Variants in SLC16A12 observed in about 807,000 individuals in gnomAD.
SLC16A12 encodes the protein solute carrier family 16 member 12, also known as monocarboxylate transporter 12.
SLC16A12 carries 17 observed loss-of-function variants against 42.4 expected under a neutral mutation model. That is an observed-to-expected ratio of 0.40 (90% CI 0.27 to 0.60). SLC16A12 has a LOEUF of 0.60. SLC16A12 is among the 20% of genes least tolerant of loss of function. The pLI is 0.42. For missense variants in SLC16A12, 544 were observed against 623.0 expected (o/e 0.87, Z 1.35); for synonymous variants, 224 against 229.4 (o/e 0.98, Z 0.21).
At chr10:89,537,154 T>TG (rs1473861929), upstream of SLC16A12, among the ~76,000 whole-genome samples, 2 of 151,196 alleles carry the variant, frequency 1.3e-5, no homozygotes, top group Non-Finnish European at 3.0e-5. Flanking sequence ...TGTTTTTTTT[T>TG]TTTTTTTTTT....
chr10:89,541,029 C>T (rs1216261145), intron 2 of SLC16A12, among the ~76,000 whole-genome samples: 1 of 151,042 alleles, frequency 6.6e-6, no homozygotes, highest in African/African-American at 2.4e-5. Context: ...TCATGACATT[C>T]TCCTGCCTCA....
Position 89,436,280 on chromosome 10 carries a change from G to A in SLC16A12, c.1068C>T (p.Ala356=), listed in dbSNP as rs751177952. The part of the protein sequence containing the change: ...KNYQYVCYLF[A]VGMDGLCYLC... ...GATAGCAGAGCCCATCCATTCCCAC[G>A]GCAAAGAGGTAGCAAACATACTGGT... is the stretch of plus-strand genomic sequence containing the variant. Residue 356 remains alanine, a synonymous_variant, in exon 7 of 8, where the codon GCC becomes GCT. Coordinates refer to ENST00000371790, the MANE Select transcript of SLC16A12 (RefSeq NM_213606.4). 8.7e-6 allele frequency: 14 copies of A among 1,614,044 alleles called. No individual in the cohort carries two copies. Among genetic ancestry groups the A allele is most frequent in the East Asian group, 4.5e-5 (2 of 44,878 alleles).
chr10:89,490,036 A>G (rs1194644936), intron 2 of SLC16A12, among the ~76,000 whole-genome samples: 1 of 152,154 alleles, frequency 6.6e-6, no homozygotes, highest in East Asian at 1.9e-4. Context: ...AAACTATAAC[A>G]ATTTCTGAAG....
intron 2 of SLC16A12, among the ~76,000 whole-genome samples, chr10:89,467,439 T>C (rs1269639093): frequency 6.6e-6 from 1 of 152,170 alleles, no homozygotes; most frequent in Non-Finnish European, 1.5e-5. Context: ...AACAATAATA[T>C]ATAAAACAGA....
At chr10:89,530,411 T>C (rs1329691637) in intron 2 of SLC16A12, among the ~76,000 whole-genome samples, 1 of 151,832 alleles carries the variant, frequency 6.6e-6, no homozygotes. Context: ...TAAAATTTGG[T>C]GGTTTTTTTT....
At chr10:89,502,458 A>C (rs1843003341) in intron 2 of SLC16A12, among the ~76,000 whole-genome samples, 1 of 152,062 alleles carries the variant, frequency 6.6e-6, no homozygotes, top group Admixed American at 6.6e-5. Flanking sequence ...AAAACAAAAA[A>C]CAAAAAAACA....
chr10:89,466,071 T>G (rs1323719550), intron 2 of SLC16A12, among the ~76,000 whole-genome samples: 1 of 152,176 alleles, frequency 6.6e-6, no homozygotes, highest in Non-Finnish European at 1.5e-5. Flanking sequence ...ACTCTGCATC[T>G]TAAGAGTTAT....
At chr10:89,473,522 A>G (rs1842533990) in intron 2 of SLC16A12, among the ~76,000 whole-genome samples, 1 of 152,212 alleles carries the variant, frequency 6.6e-6, no homozygotes, top group South Asian at 2.1e-4. Context: ...GAGAGGACAA[A>G]AGCAGCAAAA....
chr10:89,523,501 C>T (rs1455867828), intron 2 of SLC16A12, among the ~76,000 whole-genome samples: 1 of 152,184 alleles, frequency 6.6e-6, no homozygotes. Context: ...ACCTCTCTGT[C>T]ATGACTAAAA....
chr10:89,486,973 A>C (rs1003587477), intron 2 of SLC16A12, among the ~76,000 whole-genome samples: 2 of 152,224 alleles, frequency 1.3e-5, no homozygotes, highest in Non-Finnish European at 2.9e-5. Context: ...AGTGAAGTCA[A>C]AAGACACTCC....
At chr10:89,448,924 T>TCAATGTG (rs1196876665) in intron 3 of SLC16A12, among the ~76,000 whole-genome samples, 3 of 152,154 alleles carry the variant, frequency 2.0e-5, no homozygotes, top group African/African-American at 7.2e-5. Context: ...GGATACAAAA[T>TCAATGTG]CAATGTGCAA....
chr10:89,538,657 G>A (rs182659347), upstream of SLC16A12, among the ~76,000 whole-genome samples: 58 of 152,280 alleles, frequency 3.8e-4, 2 homozygotes, highest in African/African-American at 1.3e-3. Flanking sequence ...AACCTACATC[G>A]AGGCTTTGTG....
intron 3 of SLC16A12, among the ~76,000 whole-genome samples, chr10:89,451,959 C>G (rs933403061): frequency 7.2e-5 from 11 of 152,180 alleles, no homozygotes; most frequent in African/African-American, 2.7e-4. Flanking sequence ...GAAGTGTCTA[C>G]CAGCCCCAAG....
At position 89,462,474 on chromosome 10, in the gene SLC16A12, A is replaced by G. The variant is rs1358724336; in HGVS notation, c.105T>C (p.Asn35=). 7 of 1,614,002 alleles carry G rather than the reference A, an allele frequency of 4.3e-6. No homozygotes were observed. Among genetic ancestry groups the G allele is most frequent in the Admixed American group, 1.7e-5 (1 of 60,008 alleles). The change falls in exon 3 of 8, where the codon AAT becomes AAC. Residue 35 remains asparagine (N), a synonymous_variant. Transcript: ENST00000371790. ...CTGGAGGGGAGGTAGACCGAGCTCT[A>G]TTTACTTTTGCCATGGTTTTTCTTT... ...EEKRKTMAKV[N]RARSTSPPDG... is the part of the protein sequence containing the mutation.
rs748326002 is a variant in SLC16A12 at position 89,438,780 on chromosome 10, A to C, written c.852T>G (p.Val284=). ...EYSFLLMSDF[V]VLAVSVLFMA... is the part of the protein sequence containing the mutation. ...TAAACAGAACGGAGACGGCTAACACAACAAAGTCTGACATGAGTAAAAAAC... is the reference window on the plus strand; with the variant it reads ...TAAACAGAACGGAGACGGCTAACACCACAAAGTCTGACATGAGTAAAAAAC... Residue 284 remains valine, a synonymous_variant, in exon 6 of 8, where the codon GTT becomes GTG. Transcript: ENST00000371790. 2 of 1,614,204 alleles carry C rather than the reference A, an allele frequency of 1.2e-6. No individual in the cohort carries two copies. The highest frequency in any genetic ancestry group is 1.1e-5 in the South Asian group (1 of 91,086).
chr10:89,462,157 T>C (rs1358487634), intron 3 of SLC16A12, among the ~76,000 whole-genome samples: 1 of 151,980 alleles, frequency 6.6e-6, no homozygotes, highest in African/African-American at 2.4e-5. Flanking sequence ...AACGGAAATA[T>C]ACACACCCCA....
At chr10:89,483,106 C>CTT (rs146426494) in intron 2 of SLC16A12, among the ~76,000 whole-genome samples, 2 of 151,094 alleles carry the variant, frequency 1.3e-5, no homozygotes, top group African/African-American at 4.9e-5. Context: ...AGATGGCCAC[C>CTT]TTTTTTTTTG....
intron 2 of SLC16A12, among the ~76,000 whole-genome samples, chr10:89,489,307 C>A (rs1842811905): frequency 6.6e-6 from 1 of 151,978 alleles, no homozygotes; most frequent in Admixed American, 6.6e-5. Flanking sequence ...TCTTTATATA[C>A]TAAAGATTTA....
At chr10:89,476,697 C>T (rs1376950003) in intron 2 of SLC16A12, among the ~76,000 whole-genome samples, 1 of 152,250 alleles carries the variant, frequency 6.6e-6, no homozygotes, top group African/African-American at 2.4e-5. Context: ...CCACCATAAC[C>T]AGCCTTCCCA....
Sources: gnomAD v4.1 joint callset for allele counts (sites outside exome capture counted in the v4.1 genomes callset) on GRCh38, gnomAD v4.1.1 for gene constraint, MANE v1.5 for transcripts, NCBI Gene and HGNC (gene_info 2026-07-23, HGNC 2026-07-21) for gene names.